TRIM49: variants seen among roughly 807,000 people sequenced by gnomAD.
TRIM49 encodes tripartite motif-containing protein 49.
A neutral mutation model predicts 27.4 loss-of-function variants in TRIM49; 5 were observed. That is an observed-to-expected ratio of 0.18 (90% CI 0.10 to 0.38). The LOEUF is 0.38. Ranked by LOEUF, TRIM49 falls within the 10% of genes least tolerant of loss-of-function variation. The pLI is 1.00. For synonymous variants in TRIM49, 69 were observed against 166.0 expected (o/e 0.42, Z 4.49); for missense variants, 188 against 487.5 (o/e 0.39, Z 5.79).
At chr11:89,801,552 A>C in intron 5 of TRIM49, 150 bp downstream of exon 5, 1 of 1,313,566 alleles carries the variant, frequency 7.6e-7, no homozygotes, top group Non-Finnish European at 1.1e-6. Context: ...TAGTGGGGCT[A>C]TACTCTCCCA....
intron 6 of TRIM49, among the ~76,000 whole-genome samples, chr11:89,800,488 A>C (rs1949726307): frequency 6.6e-6 from 1 of 151,544 alleles, no homozygotes; most frequent in Admixed American, 6.5e-5. Flanking sequence ...TCACGCCTGT[A>C]ATCCCAGCAC....
At chr11:89,791,715 G>T in the TRIM49 span, among the ~76,000 whole-genome samples, 1 of 152,122 alleles carries the variant, frequency 6.6e-6, no homozygotes. Flanking sequence ...TCACCACCAG[G>T]CCTGCCCTAA....
the TRIM49 span, among the ~76,000 whole-genome samples, chr11:89,785,434 T>G: frequency 1.4e-5 from 2 of 140,182 alleles, no homozygotes; most frequent in Non-Finnish European, 3.0e-5. Flanking sequence ...TATAGAAAGA[T>G]GTACCCTTTG....
chr11:89,777,076 A>T, the TRIM49 span: 104 of 1,550,244 alleles, frequency 6.7e-5, no homozygotes, highest in South Asian at 1.2e-3. Context: ...CTGTGGGCAC[A>T]GCTTTTGCAG....
At chr11:89,781,547 G>C in the TRIM49 span, among the ~76,000 whole-genome samples, 1 of 146,036 alleles carries the variant, frequency 6.8e-6, no homozygotes. Flanking sequence ...ACCTGTTGAT[G>C]ATCTTAAAGA....
the TRIM49 span, among the ~76,000 whole-genome samples, chr11:89,791,354 C>A: frequency 1.3e-5 from 2 of 152,156 alleles, no homozygotes; most frequent in Admixed American, 6.5e-5. Flanking sequence ...CCCAACCTAG[C>A]AAGGCAGGCC....
downstream of TRIM49, among the ~76,000 whole-genome samples, chr11:89,796,673 T>C (rs1214920414): frequency 2.0e-5 from 3 of 149,418 alleles, no homozygotes; most frequent in South Asian, 2.1e-4. Context: ...AAAAGTCTTT[T>C]CTTAACTTCA....
intron 6 of TRIM49, 106 bp downstream of exon 6, chr11:89,800,860 A>C: frequency 4.6e-6 from 3 of 657,732 alleles, no homozygotes; most frequent in Non-Finnish European, 7.7e-6. Context: ...ATGCAAAAAA[A>C]AGTGGTATCA....
chr11:89,807,719 A>G (rs1949798526), intron 1 of TRIM49, among the ~76,000 whole-genome samples: 1 of 150,974 alleles, frequency 6.6e-6, no homozygotes, highest in Non-Finnish European at 1.5e-5. Flanking sequence ...AATTTTTGGT[A>G]AAGTCAGTGT....
chr11:89,797,491 G>C (rs539906036), downstream of TRIM49, among the ~76,000 whole-genome samples: 3 of 145,948 alleles, frequency 2.1e-5, no homozygotes, highest in Non-Finnish European at 4.5e-5. Context: ...GTGTTTTGAG[G>C]TAGGAGTCAA....
chr11:89,803,255 C>A (rs2134642576), intron 4 of TRIM49, among the ~76,000 whole-genome samples: 1 of 145,016 alleles, frequency 6.9e-6, no homozygotes, highest in Non-Finnish European at 1.5e-5. Flanking sequence ...TTTGCCCTGT[C>A]ACTTTTTCTG....
At chr11:89,768,669 AAC>A in the TRIM49 span, 1 of 387,540 alleles carries the variant, frequency 2.6e-6, no homozygotes, top group Non-Finnish European at 5.1e-6. Flanking sequence ...ATACCACACA[AAC>A]ACATAAGTAC....
chr11:89,783,551 G>A, the TRIM49 span, among the ~76,000 whole-genome samples: 3 of 123,862 alleles, frequency 2.4e-5, no homozygotes, highest in South Asian at 2.7e-4. Flanking sequence ...TTTGAAAGAT[G>A]AAGGTTCCTA....
chr11:89,787,533 G>C, the TRIM49 span: 33,761 of 565,490 alleles, frequency 0.06, 1,045 homozygotes, highest in African/African-American at 0.17. Context: ...CCGCTGCCGG[G>C]GTCCTGGGGC....
At chr11:89,791,931 TA>T in the TRIM49 span, among the ~76,000 whole-genome samples, 1 of 149,126 alleles carries the variant, frequency 6.7e-6, no homozygotes, top group Admixed American at 6.7e-5. Context: ...ATGCTCCAAT[TA>T]AAAGACACAG....
Position 89,799,825 on chromosome 11 carries a change from A to T in TRIM49, c.762-12T>A. 2 of 914,172 alleles carry T rather than the reference A, an allele frequency of 2.2e-6. No homozygotes were observed. Among genetic ancestry groups the T allele is most frequent in the Non-Finnish European group, 1.7e-6 (1 of 578,556 alleles). 56.6% of individuals were successfully genotyped at this position (914,172 alleles called of 1,614,324 possible). ...GCACGGACTCACTCCTGCAAGGAAA[A>T]ACCTGCAGTTACAACATCTACAGCC... On this transcript the variant is annotated splice_polypyrimidine_tract_variant and intron_variant, in intron 6 of 7. Coordinates refer to ENST00000329758, the MANE Select transcript of TRIM49 (RefSeq NM_020358.2).
downstream of TRIM49, among the ~76,000 whole-genome samples, chr11:89,793,142 T>C (rs1392003404): frequency 1.3e-5 from 2 of 152,046 alleles, no homozygotes; most frequent in Non-Finnish European, 2.9e-5. Context: ...CTAGAAAATC[T>C]AGAAGAAATG....
the TRIM49 span, among the ~76,000 whole-genome samples, chr11:89,769,898 TA>T: frequency 1.8e-5 from 2 of 113,776 alleles, no homozygotes; most frequent in Non-Finnish European, 3.4e-5. Flanking sequence ...CAGGGCTGGA[TA>T]TGGGTAGAGT....
At chr11:89,768,889 G>A in the TRIM49 span, 3 of 495,340 alleles carry the variant, frequency 6.1e-6, no homozygotes, top group Non-Finnish European at 1.2e-5. Flanking sequence ...TTAGAAAGTT[G>A]TTATTCTTGT....
Sources: allele counts gnomAD v4.1 joint callset (sites outside exome capture counted in the v4.1 genomes callset), GRCh38; gene constraint gnomAD v4.1.1; transcripts MANE v1.5; gene names NCBI Gene and HGNC (gene_info 2026-07-23, HGNC 2026-07-21).